SCHIP1: variants seen among roughly 807,000 people sequenced by gnomAD.
The protein encoded by SCHIP1 is schwannomin interacting protein 1.
In SCHIP1, 8 loss-of-function variants were observed where a neutral mutation model predicts 29.7. The observed-to-expected ratio is 0.27, with a 90% CI of 0.16 to 0.49. The LOEUF (loss-of-function observed/expected upper bound fraction) is 0.49. Ranked by LOEUF, SCHIP1 falls within the 20% of genes least tolerant of loss-of-function variation. The pLI is 0.99. For missense variants in SCHIP1, 193 were observed against 294.6 expected (o/e 0.66, Z 2.52); for synonymous variants, 76 against 94.9 (o/e 0.80, Z 1.16).
At chr3:159,783,962 G>A in the SCHIP1 span, among the ~76,000 whole-genome samples, 1 of 152,214 alleles carries the variant, frequency 6.6e-6, no homozygotes, top group Non-Finnish European at 1.5e-5. Flanking sequence ...CCAGCCACAT[G>A]AGCACTCCAC....
At chr3:159,480,870 C>T in the SCHIP1 span, among the ~76,000 whole-genome samples, 2 of 152,082 alleles carry the variant, frequency 1.3e-5, no homozygotes, top group African/African-American at 4.8e-5. Context: ...CACCTGGGTG[C>T]AGGCAGGGTG....
At chr3:159,795,273 G>A in the SCHIP1 span, among the ~76,000 whole-genome samples, 2 of 152,174 alleles carry the variant, frequency 1.3e-5, no homozygotes, top group Admixed American at 1.3e-4. Context: ...TTCCTAGTAG[G>A]GAAGATAGGT....
At chr3:159,530,240 C>G in the SCHIP1 span, among the ~76,000 whole-genome samples, 3 of 152,158 alleles carry the variant, frequency 2.0e-5, no homozygotes, top group South Asian at 2.1e-4. Context: ...TCCACCTACT[C>G]TCTTGGTCTT....
chr3:159,749,943 T>C, the SCHIP1 span, among the ~76,000 whole-genome samples: 1 of 152,034 alleles, frequency 6.6e-6, no homozygotes, highest in Non-Finnish European at 1.5e-5. Context: ...ATTAGCAAAA[T>C]TGATAATATT....
the SCHIP1 span, chr3:159,764,065 A>C: frequency 5.6e-6 from 1 of 180,064 alleles, no homozygotes; most frequent in Non-Finnish European, 1.1e-5. The surrounding 1 kb of genome is among the most constrained non-coding windows in gnomAD (Gnocchi z 6.1). Flanking sequence ...AGGGAATTAT[A>C]ATTTCCTGGG....
At chr3:159,786,255 A>G in the SCHIP1 span, among the ~76,000 whole-genome samples, 1 of 152,206 alleles carries the variant, frequency 6.6e-6, no homozygotes, top group African/African-American at 2.4e-5. Context: ...CAAATATAGC[A>G]ATCTAAAAAG....
the SCHIP1 span, among the ~76,000 whole-genome samples, chr3:159,671,829 A>G: frequency 6.6e-6 from 1 of 152,234 alleles, no homozygotes; most frequent in Non-Finnish European, 1.5e-5. Context: ...GGGAGACAGT[A>G]TTAAGGAACA....
chr3:159,568,148 AAT>A, the SCHIP1 span, among the ~76,000 whole-genome samples: 1 of 152,076 alleles, frequency 6.6e-6, no homozygotes, highest in Non-Finnish European at 1.5e-5. Flanking sequence ...ATATTGATCT[AAT>A]AGCCAGTAAG....
At chr3:159,721,658 C>A in the SCHIP1 span, 1,264 of 234,758 alleles carry the variant, frequency 5.4e-3, 5 homozygotes, top group Non-Finnish European at 8.1e-3. Flanking sequence ...CAAGGCTCTT[C>A]TTTGTTTCTA....
At chr3:159,458,412 A>G in the SCHIP1 span, among the ~76,000 whole-genome samples, 1 of 152,256 alleles carries the variant, frequency 6.6e-6, no homozygotes, top group East Asian at 1.9e-4. Flanking sequence ...CGATCTCAGC[A>G]GGCAAAGTAT....
the SCHIP1 span, among the ~76,000 whole-genome samples, chr3:159,300,427 G>A: frequency 6.6e-6 from 1 of 151,980 alleles, no homozygotes; most frequent in African/African-American, 2.4e-5. Context: ...AGACTTCAAG[G>A]AGAATGCCTG....
chr3:159,878,435 T>C (rs1716071678), intron 2 of SCHIP1, among the ~76,000 whole-genome samples: 1 of 149,932 alleles, frequency 6.7e-6, no homozygotes, highest in Non-Finnish European at 1.5e-5. Flanking sequence ...TGAGCCAAGA[T>C]TGCACCCCTG....
chr3:159,714,784 G>A, the SCHIP1 span, among the ~76,000 whole-genome samples: 2 of 152,220 alleles, frequency 1.3e-5, no homozygotes, highest in African/African-American at 4.8e-5. Flanking sequence ...AGCTCAAGGA[G>A]GCCCACCTGC....
chr3:159,627,711 A>G, the SCHIP1 span, among the ~76,000 whole-genome samples: 2 of 152,214 alleles, frequency 1.3e-5, no homozygotes, highest in Admixed American at 6.5e-5. Flanking sequence ...GAACAACTTG[A>G]TAGGCTGAAT....
At chr3:159,403,318 T>C in the SCHIP1 span, among the ~76,000 whole-genome samples, 1 of 152,030 alleles carries the variant, frequency 6.6e-6, no homozygotes, top group East Asian at 1.9e-4. Context: ...ATCACCTTCA[T>C]AAGAACAAAA....
chr3:159,402,812 A>T, the SCHIP1 span, among the ~76,000 whole-genome samples: 2 of 152,120 alleles, frequency 1.3e-5, no homozygotes, highest in Admixed American at 1.3e-4. Context: ...GGATAGCATT[A>T]GGAGATATAC....
the SCHIP1 span, among the ~76,000 whole-genome samples, chr3:159,587,776 T>C: frequency 3.5e-4 from 54 of 152,208 alleles, no homozygotes; most frequent in Admixed American, 3.4e-3. Context: ...GCTTCATCCA[T>C]GTCCCTACAA....
the SCHIP1 span, among the ~76,000 whole-genome samples, chr3:159,655,142 T>C: frequency 1.3e-5 from 2 of 152,222 alleles, no homozygotes; most frequent in Non-Finnish European, 2.9e-5. Flanking sequence ...TCTCTAAACT[T>C]ACTTCATAGG....
chr3:159,616,155 C>A, the SCHIP1 span, among the ~76,000 whole-genome samples: 1 of 152,180 alleles, frequency 6.6e-6, no homozygotes, highest in South Asian at 2.1e-4. Flanking sequence ...GAGTTTGGGG[C>A]TTACAAGCTC....
Sources: gnomAD v4.1 joint callset for allele counts (sites outside exome capture counted in the v4.1 genomes callset) on GRCh38, gnomAD v4.1.1 for gene constraint, Gnocchi (gnomAD v3.1) non-coding constraint, MANE v1.5 for transcripts, NCBI Gene and HGNC (gene_info 2026-07-23, HGNC 2026-07-21) for gene names.